Variants in BSN observed in about 807,000 individuals in gnomAD.
The protein encoded by BSN is protein bassoon.
Under a neutral mutation model 264.8 loss-of-function variants are expected in BSN, and 57 were observed. The observed-to-expected ratio is 0.22, with a 90% CI of 0.17 to 0.27. BSN has a LOEUF of 0.27. BSN is among the 10% of genes least tolerant of loss of function. The probability of loss-of-function intolerance (pLI) is 1.00; values close to 1 mark genes in which losing one functional copy is unlikely to be tolerated. For synonymous variants in BSN, 2,059 were observed against 2,137.3 expected, an observed-to-expected ratio of 0.96 and a Z score of 1.01; for missense variants, 4,615 against 5,232.5, an observed-to-expected ratio of 0.88 and a Z score of 3.64.
At chr3:49,618,608 C>T (rs1461690349) in intron 1 of BSN, among the ~76,000 whole-genome samples, 1 of 152,244 alleles carries the variant, frequency 6.6e-6, no homozygotes, top group Non-Finnish European at 1.5e-5. Flanking sequence ...CTGGGAGCAC[C>T]AATGACTTAC....
At position 49,643,157 on chromosome 3, in the gene BSN, G is replaced by C. The variant is rs758347707; in HGVS notation, c.1518+5G>C. 1.9e-6 allele frequency: 3 copies of C among 1,603,456 alleles called. No individual in the cohort carries two copies. Among genetic ancestry groups the C allele is most frequent in the Admixed American group, 3.4e-5 (2 of 59,640 alleles). On this transcript the variant is annotated splice_donor_5th_base_variant and intron_variant, in intron 3 of 11. Transcript: ENST00000296452. ...CCAACACCCCACCTGGTGGAGGTAA[G>C]AGCTGGACCAAGCATGCTCCCTTGA...
At chr3:49,559,588 A>G (rs1336181586) in intron 1 of BSN, among the ~76,000 whole-genome samples, 1 of 152,150 alleles carries the variant, frequency 6.6e-6, no homozygotes, top group Non-Finnish European at 1.5e-5. Context: ...TACTTTTATT[A>G]TTGGTTTGAA....
intron 3 of BSN, among the ~76,000 whole-genome samples, chr3:49,645,537 T>G (rs189488129): frequency 7.9e-5 from 12 of 152,308 alleles, no homozygotes; most frequent in African/African-American, 2.9e-4. Context: ...GCCTTAGTCC[T>G]TCCGTCCTTA....
chr3:49,652,856 CGAGGATGCCTCCCCG>C lies in BSN; in HGVS notation c.3301_3315del (p.Glu1101_Pro1105del). On this transcript the variant is annotated inframe_deletion, in exon 5 of 12. Transcript: ENST00000296452. ...CACCACCCAGTAACTTGTCACCCAT[CGAGGATGCCTCCCCG>C]ACGGAGGAGCTGAGGCAGGCGGCCG... 6.2e-7 allele frequency: 1 copy of C among 1,604,878 alleles called. No individual in the cohort carries two copies.
chr3:49,605,279 A>G (rs1298175692), intron 1 of BSN, among the ~76,000 whole-genome samples: 2 of 107,840 alleles, frequency 1.9e-5, no homozygotes, highest in South Asian at 2.5e-4. Context: ...ATATACATAT[A>G]TATACATATA....
At chr3:49,620,241 A>T (rs1235037806) in intron 1 of BSN, among the ~76,000 whole-genome samples, 1 of 152,122 alleles carries the variant, frequency 6.6e-6, no homozygotes, top group African/African-American at 2.4e-5. Context: ...CCTGGCCAAT[A>T]TGGTGAAACC....
At position 49,661,348 on chromosome 3, in the gene BSN, T is replaced by C. The variant is rs1364621525; in HGVS notation, c.9503T>C (p.Val3168Ala). The change falls in exon 6 of 12, where the codon GTT becomes GCT. Residue 3168 changes from valine (V) to alanine (A), a missense_variant. Around this residue, in one of 3 missense-constraint regions of BSN, gnomAD observed 3,415 missense variants for 3,866.4 expected, o/e 0.88. Coordinates refer to ENST00000296452, the MANE Select transcript of BSN (RefSeq NM_003458.4). ...AACTATGAGGTGATCGCCAGCCCCG[T>C]TGTGCCCATGTCTTCAGCCCCATCT... ...PTNYEVIASP[V>A]VPMSSAPSET... 6.2e-7 allele frequency: 1 copy of C among 1,613,994 alleles called. No homozygotes were observed. The highest frequency in any genetic ancestry group is 8.5e-7 in the Non-Finnish European group (1 of 1,180,034).
chr3:49,654,779 C>T lies in BSN; in HGVS notation c.5223C>T (p.Phe1741=). 6.2e-7 allele frequency: 1 copy of T among 1,613,602 alleles called. No individual in the cohort carries two copies. The highest frequency in any genetic ancestry group is 8.5e-7 in the Non-Finnish European group (1 of 1,179,952). The part of the protein sequence containing the change: ...TVSITMASSV[F]MAQQKQPVVY... ...GCATCACCATGGCCTCGTCTGTGTT[C>T]ATGGCTCAACAAAAGCAGCCTGTGG... Residue 1741 remains phenylalanine (F), a synonymous_variant, in exon 5 of 12, where the codon TTC becomes TTT. Transcript: ENST00000296452. This position sits in a 1 kb window ranked among gnomAD's most constrained non-coding sequence, Gnocchi z 4.1.
In BSN at chr3:49,650,062, TC is replaced by T. The variant is rs913415011; in HGVS notation, c.1519-546del. Among the ~76,000 whole-genome samples, 7 of 152,178 alleles carry T rather than the reference TC, an allele frequency of 4.6e-5. 1 individual carries two copies. Among genetic ancestry groups the T allele is most frequent in the South Asian group, 2.1e-4 (1 of 4,818 alleles). The stretch of plus-strand genomic sequence containing the variant: ...CAAGCAGGGTTACTCCCAGACAGCC[TC>T]CCCTGGCCCCAGGAGTCTGCACCCT... On this transcript the variant is annotated intron_variant, in intron 3 of 11. Coordinates refer to ENST00000296452, the MANE Select transcript of BSN (RefSeq NM_003458.4).
intron 5 of BSN, among the ~76,000 whole-genome samples, chr3:49,659,837 G>C (rs920025297): frequency 1.3e-5 from 2 of 152,170 alleles, no homozygotes; most frequent in African/African-American, 4.8e-5. Context: ...CTGGGGACCA[G>C]GCCAAGAGCA....
rs1442267577 is a variant in BSN at position 49,638,711 on chromosome 3, CAG to C, written c.634-3556_634-3555del. The stretch of plus-strand genomic sequence containing the variant: ...GATGCCTGTGCCACAGCCTGGATGA[CAG>C]GGGCTGGGGAAAGGAAAGTTCTGGC... On this transcript the variant is annotated intron_variant, in intron 2 of 11. Coordinates refer to ENST00000296452, the MANE Select transcript of BSN (RefSeq NM_003458.4). This position sits in a 1 kb window ranked among gnomAD's most constrained non-coding sequence, Gnocchi z 4.3. 1.3e-5 allele frequency among the ~76,000 whole-genome samples: 2 copies of C among 152,206 alleles called. No homozygotes were observed. Among genetic ancestry groups the C allele is most frequent in the African/African-American group, 4.8e-5 (2 of 41,450 alleles).
intron 1 of BSN, among the ~76,000 whole-genome samples, chr3:49,588,624 G>C (rs2051953612): frequency 6.6e-6 from 1 of 151,982 alleles, no homozygotes; most frequent in East Asian, 1.9e-4. Context: ...GATATGCAGT[G>C]TTTTCATTTT....
At position 49,663,196 on chromosome 3, in the gene BSN, C is replaced by G; in HGVS notation, c.11038C>G (p.Arg3680Gly). 2 of 1,613,888 alleles carry G rather than the reference C, an allele frequency of 1.2e-6. No homozygotes were observed. The highest frequency in any genetic ancestry group is 1.3e-5 in the African/African-American group (1 of 75,074). Residue 3680 changes from arginine (R) to glycine (G), a missense_variant, in exon 7 of 12, where the codon CGG (arginine) becomes GGG (glycine). By Grantham distance (125) the Arg-to-Gly change is moderately radical (BLOSUM62 -2). Around this residue, in one of 3 missense-constraint regions of BSN, gnomAD observed 3,415 missense variants for 3,866.4 expected, o/e 0.88. Coordinates refer to ENST00000296452, the MANE Select transcript of BSN (RefSeq NM_003458.4). ...HARDLGRHEA[R>G]PHSQPSSAPA... is the part of the protein sequence containing the mutation. ...TCGGGACCTGGGTCGCCATGAGGCC[C>G]GGCCCCACTCTCAGCCCAGCTCTGC...
chr3:49,659,612 G>A (rs2052636878), intron 5 of BSN, among the ~76,000 whole-genome samples: 1 of 152,166 alleles, frequency 6.6e-6, no homozygotes. Context: ...AAGGCTAGGA[G>A]CGAGAGAAAA....
chr3:49,605,717 CAT>C (rs1205722671), intron 1 of BSN, among the ~76,000 whole-genome samples: 28 of 22,356 alleles, frequency 1.3e-3, no homozygotes, highest in African/African-American at 2.0e-3. Flanking sequence ...AAATATATAA[CAT>C]ATAAATGTAT....
At chr3:49,662,826 C>T (rs915777875) in intron 6 of BSN, 50 bp from the exon 7 acceptor site, 1 of 1,518,964 alleles carries the variant, frequency 6.6e-7, no homozygotes. Context: ...CTAGGCCTCC[C>T]CCTGCGGCTA....
Position 49,554,588 on chromosome 3 carries a change from G to A in BSN, c.-15G>A. ...GCGCAGCGCGACCCCGACCCCGCCC[G>A]CCCGCCTGCCCGCCATGGGCAACGA... is the stretch of plus-strand genomic sequence containing the variant. On this transcript the variant is annotated 5_prime_UTR_variant, in exon 1 of 12. Transcript: ENST00000296452. 5.9e-6 allele frequency: 5 copies of A among 845,390 alleles called. No individual in the cohort carries two copies. Among genetic ancestry groups the A allele is most frequent in the Non-Finnish European group, 5.7e-6 (4 of 703,894 alleles). The allele number at this position is 845,390 out of a possible 1,614,324, so 52.4% of individuals were successfully genotyped here.
intron 1 of BSN, among the ~76,000 whole-genome samples, chr3:49,605,492 T>TTTATATA (rs2052113834): frequency 1.4e-4 from 1 of 6,954 alleles, no homozygotes; most frequent in African/African-American, 6.7e-4. Flanking sequence ...TAATATATAT[T>TTTATATA]ATATATAATA....
chr3:49,625,800 G>A lies in BSN; in HGVS notation c.633+417G>A, dbSNP rs2052338235. 6.6e-6 allele frequency among the ~76,000 whole-genome samples: 1 copy of A among 152,218 alleles called. No homozygotes were observed. The highest frequency in any genetic ancestry group is 1.5e-5 in the Non-Finnish European group (1 of 68,032). The stretch of plus-strand genomic sequence containing the variant: ...TCTAGGCCAGGAGGCCTCTGTCTTT[G>A]ACAGCAGGCCCTAGATGGGGATGCT... On this transcript the variant is annotated intron_variant, in intron 2 of 11. Coordinates refer to ENST00000296452, the MANE Select transcript of BSN (RefSeq NM_003458.4). This position sits in a 1 kb window ranked among gnomAD's most constrained non-coding sequence, Gnocchi z 4.4.
Sources: allele counts gnomAD v4.1 joint callset (sites outside exome capture counted in the v4.1 genomes callset), GRCh38; gene constraint gnomAD v4.1.1; regional missense constraint gnomAD v4.1.1; non-coding constraint Gnocchi (gnomAD v3.1); transcripts MANE v1.5; gene names NCBI Gene and HGNC (gene_info 2026-07-23, HGNC 2026-07-21).